Variants in GABBR2 observed in about 807,000 individuals in gnomAD.
GABBR2 encodes the protein G-protein coupled receptor 51.
In GABBR2, 23 loss-of-function variants were observed where a neutral mutation model predicts 105.6. The ratio of observed to expected loss-of-function variants is 0.22; its 90% CI spans 0.16 to 0.31. The LOEUF (loss-of-function observed/expected upper bound fraction) is 0.31. Ranked by LOEUF, GABBR2 falls within the 10% of genes least tolerant of loss-of-function variation. GABBR2 has a pLI of 1.00. For synonymous variants in GABBR2, 478 were observed against 499.7 expected, an observed-to-expected ratio of 0.96 and a Z score of 0.58; for missense variants, 734 against 1,245.5, an observed-to-expected ratio of 0.59 and a Z score of 6.18.
At chr9:98,640,820 A>G (rs1197504251) in intron 1 of GABBR2, among the ~76,000 whole-genome samples, 2 of 152,318 alleles carry the variant, frequency 1.3e-5, no homozygotes, top group East Asian at 3.9e-4. Context: ...ATTCTGAGAC[A>G]GGGCAGTGTG....
At chr9:98,322,636 TC>T (rs954016230) in intron 13 of GABBR2, among the ~76,000 whole-genome samples, 1 of 141,528 alleles carries the variant, frequency 7.1e-6, no homozygotes, top group Non-Finnish European at 1.5e-5. Flanking sequence ...TTGTTCCCCA[TC>T]CCCCAGTCTC....
intron 13 of GABBR2, among the ~76,000 whole-genome samples, chr9:98,334,150 G>T (rs1831074758): frequency 6.6e-6 from 1 of 152,198 alleles, no homozygotes; most frequent in Admixed American, 6.5e-5. Flanking sequence ...GGAAGGTGAA[G>T]CTCTCAGATC....
At chr9:98,575,956 C>A (rs554246749) in intron 2 of GABBR2, among the ~76,000 whole-genome samples, 181 of 152,312 alleles carry the variant, frequency 1.2e-3, no homozygotes, top group African/African-American at 4.2e-3. Context: ...TCCAGCTGTC[C>A]AACGCCCTCT....
At chr9:98,609,553 T>A (rs1829476356) in intron 1 of GABBR2, among the ~76,000 whole-genome samples, 1 of 152,162 alleles carries the variant, frequency 6.6e-6, no homozygotes, top group Non-Finnish European at 1.5e-5. Context: ...ATAACCCATC[T>A]GGGTGGGCTG....
At chr9:98,517,388 C>T (rs117657823) in intron 3 of GABBR2, among the ~76,000 whole-genome samples, 3 of 152,090 alleles carry the variant, frequency 2.0e-5, no homozygotes, top group African/African-American at 7.2e-5. Context: ...CCTCTCCTGG[C>T]GAAACTGACC....
chr9:98,566,527 T>G (rs1413664287), intron 2 of GABBR2, among the ~76,000 whole-genome samples: 1 of 151,976 alleles, frequency 6.6e-6, no homozygotes, highest in Non-Finnish European at 1.5e-5. Flanking sequence ...TACAAAAAAT[T>G]AGCCAGGCAC....
chr9:98,520,364 C>G (rs1200661899), intron 3 of GABBR2, among the ~76,000 whole-genome samples: 1 of 152,206 alleles, frequency 6.6e-6, no homozygotes, highest in Non-Finnish European at 1.5e-5. Flanking sequence ...TCACGAAACC[C>G]CAAGGGGGAT....
chr9:98,553,653 T>C (rs948471418), intron 2 of GABBR2, among the ~76,000 whole-genome samples: 1 of 152,182 alleles, frequency 6.6e-6, no homozygotes, highest in African/African-American at 2.4e-5. Flanking sequence ...CTTCTTGAAA[T>C]TATGAAATAA....
intron 3 of GABBR2, among the ~76,000 whole-genome samples, chr9:98,520,400 T>G (rs1267145107): frequency 6.6e-6 from 1 of 152,124 alleles, no homozygotes; most frequent in Non-Finnish European, 1.5e-5. Flanking sequence ...ATGGGAGAAA[T>G]CTTTTCACCA....
Position 98,406,158 on chromosome 9 carries a change from A to ACAAATCAAAC in GABBR2, c.1237-27_1237-18dup, listed in dbSNP as rs1296592581. ...AACTTGACCCTAAAAACAAAACAAA[A>ACAAATCAAAC]CAAATCAAACAAGAATAAAAGAGAA... On this transcript the variant is annotated splice_polypyrimidine_tract_variant and intron_variant, in intron 7 of 18. Transcript: ENST00000259455. The ACAAATCAAAC allele has an allele frequency of 6.7e-7, 1 of 1,499,534 alleles. No homozygotes were observed. The highest frequency in any genetic ancestry group is 2.3e-5 in the East Asian group (1 of 43,322). The allele number at this position is 1,499,534 out of a possible 1,614,324, so 92.9% of individuals were successfully genotyped here.
chr9:98,293,981 T>C (rs1830342654), intron 17 of GABBR2, 79 bp from the exon 18 acceptor site: 2 of 857,294 alleles, frequency 2.3e-6, no homozygotes, highest in African/African-American at 1.7e-5. Flanking sequence ...TTTTGTAGGA[T>C]GATGCCCCAA....
chr9:98,447,207 G>A (rs1401209892), intron 7 of GABBR2, among the ~76,000 whole-genome samples: 1 of 139,852 alleles, frequency 7.2e-6, no homozygotes, highest in South Asian at 2.6e-4. Flanking sequence ...GACTACAGGC[G>A]CCCGCCACTA....
intron 3 of GABBR2, among the ~76,000 whole-genome samples, chr9:98,522,185 G>A (rs1036599751): frequency 1.3e-5 from 2 of 152,020 alleles, no homozygotes; most frequent in African/African-American, 4.8e-5. Context: ...GTCTTGAGAT[G>A]TTCTCTCACA....
chr9:98,382,835 T>G (rs1417681584), intron 11 of GABBR2, among the ~76,000 whole-genome samples: 1 of 152,236 alleles, frequency 6.6e-6, no homozygotes, highest in Non-Finnish European at 1.5e-5. Context: ...ACAAAAGTCA[T>G]GCTGATGTAG....
chr9:98,654,328 A>G (rs538392340), intron 1 of GABBR2, among the ~76,000 whole-genome samples: 9 of 152,190 alleles, frequency 5.9e-5, no homozygotes, highest in African/African-American at 1.9e-4. Context: ...CGGCCCCAGC[A>G]TGTTGTCTGT....
chr9:98,466,205 C>T (rs886966064), intron 6 of GABBR2, among the ~76,000 whole-genome samples: 1 of 152,128 alleles, frequency 6.6e-6, no homozygotes, highest in African/African-American at 2.4e-5. Flanking sequence ...TCAGGTGTCT[C>T]TTTATAACAG....
At chr9:98,534,770 G>C (rs1193073626) in intron 3 of GABBR2, among the ~76,000 whole-genome samples, 2 of 152,222 alleles carry the variant, frequency 1.3e-5, no homozygotes, top group Non-Finnish European at 2.9e-5. Context: ...CTCATTCATT[G>C]CTGGTGGGAA....
At position 98,488,250 on chromosome 9, in the gene GABBR2, T is replaced by C. The variant is rs149846822; in HGVS notation, c.733-7253A>G. On this transcript the variant is annotated intron_variant, in intron 4 of 18. Transcript: ENST00000259455. ...AGATTTTCACAGCAGCAATGGGAAA[T>C]GAAGACACTTCCCTCTCTGGAAAGG... Among the ~76,000 whole-genome samples, 88 of 152,294 alleles carry C rather than the reference T, an allele frequency of 5.8e-4. 1 individual carries two copies. In the East Asian group the frequency reaches 0.016, roughly 27 times the overall value.
chr9:98,602,810 T>C (rs1435300126), intron 1 of GABBR2, among the ~76,000 whole-genome samples: 1 of 152,210 alleles, frequency 6.6e-6, no homozygotes, highest in Non-Finnish European at 1.5e-5. Context: ...CAGTCTTCCC[T>C]GAAACACCCA....
Sources: gnomAD v4.1 joint callset for allele counts (sites outside exome capture counted in the v4.1 genomes callset) on GRCh38, gnomAD v4.1.1 for gene constraint, MANE v1.5 for transcripts, NCBI Gene and HGNC (gene_info 2026-07-23, HGNC 2026-07-21) for gene names.